The following SNX9 variants were observed in gnomAD, a reference collection of about 807,000 sequenced individuals.
SNX9 encodes sorting nexin-9.
SNX9 carries 44 observed loss-of-function variants against 89.4 expected under a neutral mutation model. The observed-to-expected ratio is 0.49, with a 90% CI of 0.39 to 0.63. The LOEUF is 0.63. Among genes scored for constraint, SNX9 ranks in the 30% least tolerant of loss-of-function variants. The pLI is 0.00. For missense variants in SNX9, 578 were observed against 736.1 expected, an observed-to-expected ratio of 0.79 and a Z score of 2.49; for synonymous variants, 236 against 247.8, an observed-to-expected ratio of 0.95 and a Z score of 0.45.
At chr6:157,875,818 CAAG>C (rs1314906599) in intron 4 of SNX9, among the ~76,000 whole-genome samples, 5 of 152,034 alleles carry the variant, frequency 3.3e-5, no homozygotes, top group African/African-American at 1.2e-4. Context: ...GAGTAAGTGA[CAAG>C]AAGAAAATTG....
intron 1 of SNX9, 57 bp from the exon 2 acceptor site, chr6:157,867,490 G>A: frequency 2.8e-6 from 4 of 1,411,090 alleles, no homozygotes; most frequent in Non-Finnish European, 3.0e-6. Flanking sequence ...CACCTTTTGT[G>A]TTTTTACTAC....
intron 17 of SNX9, 94 bp from the exon 18 acceptor site, chr6:157,942,697 T>C: frequency 1.5e-6 from 2 of 1,321,970 alleles, no homozygotes; most frequent in East Asian, 2.3e-5. Context: ...GGAATTTGTG[T>C]CATGTTTAAC....
chr6:157,861,108 C>G (rs1782110821), intron 1 of SNX9, among the ~76,000 whole-genome samples: 1 of 152,166 alleles, frequency 6.6e-6, no homozygotes, highest in African/African-American at 2.4e-5. Flanking sequence ...ATTTTACATA[C>G]AGAATATTTA....
intron 2 of SNX9, among the ~76,000 whole-genome samples, chr6:157,870,370 C>T (rs1782374370): frequency 6.6e-6 from 1 of 151,778 alleles, no homozygotes. Context: ...ATGCAGCACT[C>T]ACCCGTGTGA....
chr6:157,840,448 TTTCC>T (rs1213628131), intron 1 of SNX9, among the ~76,000 whole-genome samples: 21 of 150,560 alleles, frequency 1.4e-4, no homozygotes, highest in Admixed American at 3.3e-4. Context: ...CTTTCTTTCC[TTTCC>T]TTCCTTCCTT....
At chr6:157,855,763 C>T (rs1322963604) in intron 1 of SNX9, among the ~76,000 whole-genome samples, 1 of 152,164 alleles carries the variant, frequency 6.6e-6, no homozygotes, top group Non-Finnish European at 1.5e-5. Context: ...TGGAGTTTCG[C>T]TCTTGTTGCC....
chr6:157,927,718 C>CTTT lies in SNX9; in HGVS notation c.1184+528_1184+530dup, dbSNP rs761592456. Among the ~76,000 whole-genome samples the CTTT allele has an allele frequency of 5.0e-3, 497 of 98,732 alleles. 64 individuals carry two copies. Among genetic ancestry groups the CTTT allele is most frequent in the African/African-American group, 0.019 (432 of 22,660 alleles). The allele number at this position is 98,732 out of a possible 152,430, so 64.8% of individuals were successfully genotyped here. A position where few individuals can be genotyped will look rare whatever the true frequency, so the allele number is the denominator to read the frequency against. On this transcript the variant is annotated intron_variant, in intron 11 of 17. Coordinates refer to ENST00000392185, the MANE Select transcript of SNX9 (RefSeq NM_016224.5). ...AATTTGCGTGGTTTTTAATTTTAAG[C>CTTT]TTTTTTTTTTTTTTTTTTTTTTTTT... is the stretch of plus-strand genomic sequence containing the variant.
intron 4 of SNX9, among the ~76,000 whole-genome samples, chr6:157,875,762 GT>G (rs1258956205): frequency 6.6e-6 from 1 of 152,092 alleles, no homozygotes; most frequent in Non-Finnish European, 1.5e-5. Context: ...AATTTGACTA[GT>G]TTAGGTGAAT....
intron 1 of SNX9, among the ~76,000 whole-genome samples, chr6:157,845,334 C>G (rs1448097366): frequency 6.6e-6 from 1 of 152,126 alleles, no homozygotes; most frequent in Non-Finnish European, 1.5e-5. Flanking sequence ...TGTTCTCAAA[C>G]TCCTGACCTC....
chr6:157,852,549 C>T (rs895049721), intron 1 of SNX9, among the ~76,000 whole-genome samples: 4 of 151,974 alleles, frequency 2.6e-5, no homozygotes, highest in African/African-American at 9.7e-5. Context: ...CAGTAGACCT[C>T]TATTTCCCTT....
In SNX9 at chr6:157,943,042, T is replaced by A; in HGVS notation, c.*204T>A. On this transcript the variant is annotated 3_prime_UTR_variant, in exon 18 of 18. Coordinates refer to ENST00000392185, the MANE Select transcript of SNX9 (RefSeq NM_016224.5). The stretch of plus-strand genomic sequence containing the variant: ...GTCTTTTGTTCATTTCCGCATCCAT[T>A]ATTTAAACCAGTGGAAATTGTCTCT... 1 of 456,314 alleles carries A rather than the reference T, an allele frequency of 2.2e-6. No individual in the cohort carries two copies. Among genetic ancestry groups the A allele is most frequent in the Non-Finnish European group, 3.8e-6 (1 of 262,618 alleles). 28.3% of individuals were successfully genotyped at this position (456,314 alleles called of 1,614,324 possible).
At chr6:157,937,144 A>G (rs1277017494) in intron 14 of SNX9, among the ~76,000 whole-genome samples, 2 of 152,238 alleles carry the variant, frequency 1.3e-5, no homozygotes, top group Non-Finnish European at 2.9e-5. Context: ...AACATACAGC[A>G]TTAGCTGAAC....
intron 5 of SNX9, among the ~76,000 whole-genome samples, chr6:157,897,740 T>G (rs1396000329): frequency 6.6e-6 from 1 of 152,136 alleles, no homozygotes; most frequent in East Asian, 1.9e-4. Context: ...GGTCTCAAAC[T>G]CCTGACCTCA....
rs12527830 is a variant in SNX9, at chr6:157,941,970, A to G, written c.1741-821A>G. 1.5e-3 allele frequency among the ~76,000 whole-genome samples: 227 copies of G among 152,360 alleles called. 1 individual carries two copies. Among genetic ancestry groups the G allele is most frequent in the Middle Eastern group, 6.8e-3 (2 of 294 alleles). The stretch of plus-strand genomic sequence containing the variant: ...CTTTCATTGTATATTAGAATATAAC[A>G]GATTACATTTGTCTGTGTGAGAAAA... On this transcript the variant is annotated intron_variant, in intron 17 of 17. Coordinates refer to ENST00000392185, the MANE Select transcript of SNX9 (RefSeq NM_016224.5).
rs770562110 is a variant in SNX9 at position 157,937,448 on chromosome 6, C to T, written c.1458C>T (p.Leu486=). 1 of 1,613,116 alleles carries T rather than the reference C, an allele frequency of 6.2e-7. No individual in the cohort carries two copies. Among genetic ancestry groups the T allele is most frequent in the Non-Finnish European group, 8.5e-7 (1 of 1,179,322 alleles). The part of the protein sequence containing the change: ...SLVAEQPKKD[L]HFLMECNHEY... ...TCTTGTTATAGCCAAAGAAAGATCT[C>T]CATTTCCTGATGGAATGTAATCACG... Residue 486 remains leucine (L), a synonymous_variant, in exon 15 of 18, where the codon CTC becomes CTT. Transcript: ENST00000392185.
chr6:157,876,787 G>T (rs1261063434), intron 4 of SNX9, among the ~76,000 whole-genome samples: 1 of 152,204 alleles, frequency 6.6e-6, no homozygotes, highest in Non-Finnish European at 1.5e-5. Flanking sequence ...TCCTAGTGGG[G>T]CGGGCCCATC....
intron 1 of SNX9, among the ~76,000 whole-genome samples, chr6:157,840,434 T>TTTCCTTTCTTTCCTTCC: frequency 6.8e-6 from 1 of 146,482 alleles, no homozygotes; most frequent in Non-Finnish European, 1.5e-5. Context: ...CTTTCTTTTC[T>TTTCCTTTCTTTCCTTCC]TTCCTTTCTT....
intron 4 of SNX9, among the ~76,000 whole-genome samples, chr6:157,879,825 C>CTT: frequency 6.6e-6 from 1 of 152,194 alleles, no homozygotes; most frequent in Non-Finnish European, 1.5e-5. Context: ...CAGATTACTG[C>CTT]TTCTTTAGAG....
intron 1 of SNX9, among the ~76,000 whole-genome samples, chr6:157,841,287 ATT>A (rs1212281911): frequency 6.6e-6 from 1 of 152,144 alleles, no homozygotes; most frequent in Non-Finnish European, 1.5e-5. Flanking sequence ...GTGTGTTTTA[ATT>A]TAGGGTCTTC....
Sources: allele counts gnomAD v4.1 joint callset (sites outside exome capture counted in the v4.1 genomes callset), GRCh38; gene constraint gnomAD v4.1.1; transcripts MANE v1.5; gene names NCBI Gene and HGNC (gene_info 2026-07-23, HGNC 2026-07-21).